The following ESCO2 variants were observed in gnomAD, a reference collection of about 807,000 sequenced individuals.
ESCO2 encodes N-acetyltransferase ESCO2.
Under a neutral mutation model 61.7 loss-of-function variants are expected in ESCO2, and 51 were observed. That is an observed-to-expected ratio of 0.83 (90% CI 0.66 to 1.04). The LOEUF (loss-of-function observed/expected upper bound fraction) is 1.04, where lower values mean the gene tolerates loss of function less well. ESCO2 is among the 50% of genes least tolerant of loss of function. The pLI, the probability that ESCO2 is intolerant of heterozygous loss-of-function variation, is 0.00. For missense variants in ESCO2, 692 were observed against 686.2 expected, an observed-to-expected ratio of 1.01 and a Z score of -0.09; for synonymous variants, 230 against 238.2, an observed-to-expected ratio of 0.97 and a Z score of 0.32.
chr8:27,786,549 GAGTT>G (rs1805045955), intron 5 of ESCO2, among the ~76,000 whole-genome samples: 1 of 152,186 alleles, frequency 6.6e-6, no homozygotes, highest in Non-Finnish European at 1.5e-5. Context: ...GTGGTATACT[GAGTT>G]AGTCACAACC....
At position 27,775,613 on chromosome 8, in the gene ESCO2, C is replaced by A. The variant is rs765329515; in HGVS notation, c.53+46C>A. ...AGAAACTCTTAGAAAAATCCACCTT[C>A]TTGTCTCTCTTGTTCTCTCCTATTT... On this transcript the variant is annotated intron_variant, in intron 2 of 10. Coordinates refer to ENST00000305188, the MANE Select transcript of ESCO2 (RefSeq NM_001017420.3). 4 of 1,593,408 alleles carry A rather than the reference C, an allele frequency of 2.5e-6. No individual in the cohort carries two copies. In the Admixed American group the frequency reaches 5.0e-5, roughly 20 times the overall value.
At chr8:27,797,338 G>T (rs1002176976) in intron 9 of ESCO2, among the ~76,000 whole-genome samples, 2 of 151,950 alleles carry the variant, frequency 1.3e-5, no homozygotes, top group African/African-American at 4.8e-5. Context: ...TACCTTCTTT[G>T]TCTCTTGATG....
At chr8:27,790,488 A>G (rs540308761) in intron 7 of ESCO2, among the ~76,000 whole-genome samples, 3 of 152,184 alleles carry the variant, frequency 2.0e-5, no homozygotes, top group African/African-American at 7.2e-5. Context: ...TTTCAGAGAT[A>G]TTTTCTGCAT....
At chr8:27,809,373 T>C (rs1001697153), downstream of ESCO2, among the ~76,000 whole-genome samples, 5 of 152,360 alleles carry the variant, frequency 3.3e-5, no homozygotes, top group African/African-American at 1.2e-4. Flanking sequence ...TTGTTCCTAA[T>C]GTTTCTGAGA....
downstream of ESCO2, among the ~76,000 whole-genome samples, chr8:27,807,097 C>CT (rs1309728036): frequency 2.0e-5 from 3 of 152,102 alleles, no homozygotes; most frequent in African/African-American, 4.8e-5. Context: ...AATCTTACAG[C>CT]TTTTTTGTTC....
rs2128951029 is a variant in ESCO2, at chr8:27,776,428, T to G, written c.120T>G (p.Ser40Arg). The G allele has an allele frequency of 6.2e-7, 1 of 1,606,622 alleles. No individual in the cohort carries two copies. The highest frequency in any genetic ancestry group is 8.5e-7 in the Non-Finnish European group (1 of 1,177,888). Residue 40 changes from serine to arginine, a missense_variant, in exon 3 of 11, where the codon AGT becomes AGG. Transcript: ENST00000305188. ...AAAAGCACTGTTTTTATCAAAACAG[T>G]GATAAAAATGAAGAAAACCTGCATT... ...PNKKHCFYQN[S>R]DKNEENLHCS...
At chr8:27,797,740 G>A (rs1256330914) in intron 9 of ESCO2, among the ~76,000 whole-genome samples, 3 of 152,090 alleles carry the variant, frequency 2.0e-5, no homozygotes, top group African/African-American at 7.2e-5. Flanking sequence ...TGGTCATGAG[G>A]CTTACATAAA....
At chr8:27,811,956 T>C (rs1200110077), downstream of ESCO2, 1 of 152,220 alleles carries the variant, frequency 6.6e-6, no homozygotes, top group African/African-American at 2.4e-5. Context: ...CACAGAAATG[T>C]AATCACTAAC....
chr8:27,795,454 C>T (rs970324675), intron 9 of ESCO2, among the ~76,000 whole-genome samples: 12 of 152,124 alleles, frequency 7.9e-5, no homozygotes, highest in Non-Finnish European at 1.5e-5. Context: ...AAGTTCATGT[C>T]ATTTGCAAAC....
Position 27,805,243 on chromosome 8 carries a change from T to TGCAGTCC in ESCO2, c.*1814_*1820dup, listed in dbSNP as rs1354830247. 1 of 85,782 alleles carries TGCAGTCC rather than the reference T, an allele frequency of 1.2e-5. No homozygotes were observed. Among genetic ancestry groups the TGCAGTCC allele is most frequent in the East Asian group, 7.0e-4 (1 of 1,428 alleles). The allele number at this position is 85,782 out of a possible 1,614,324, so 5.3% of individuals were successfully genotyped here. On this transcript the variant is annotated 3_prime_UTR_variant, in exon 11 of 11. Transcript: ENST00000305188. ...TTGCAGTGAGCCGAGATTGCGCCAC[T>TGCAGTCC]GCAGTCCGCAGTCCGGCCTGGGCGA... is the stretch of plus-strand genomic sequence containing the variant.
At position 27,776,415 on chromosome 8, in the gene ESCO2, T is replaced by G. The variant is rs919439458; in HGVS notation, c.107T>G (p.Phe36Cys). The part of the protein sequence containing the change: ...LFPSPNKKHC[F>C]YQNSDKNEEN... ...CCATCACCTAATAAAAAGCACTGTT[T>G]TTATCAAAACAGTGATAAAAATGAA... The change falls in exon 3 of 11, where the codon TTT becomes TGT. Residue 36 changes from phenylalanine (F) to cysteine (C), a missense_variant. Coordinates refer to ENST00000305188, the MANE Select transcript of ESCO2 (RefSeq NM_001017420.3). The G allele has an allele frequency of 2.5e-6, 4 of 1,608,326 alleles. No homozygotes were observed. In the Admixed American group the frequency reaches 6.8e-5, roughly 27 times the overall value.
chr8:27,786,089 G>C (rs946176470), intron 5 of ESCO2, among the ~76,000 whole-genome samples: 1 of 152,142 alleles, frequency 6.6e-6, no homozygotes, highest in African/African-American at 2.4e-5. Flanking sequence ...AGGTGAAAAG[G>C]GTCAGTGACT....
downstream of ESCO2, chr8:27,810,934 T>A: frequency 7.3e-7 from 1 of 1,376,852 alleles, no homozygotes; most frequent in South Asian, 1.2e-5. Flanking sequence ...AGATTGGGAT[T>A]TATGTTAGAA....
upstream of ESCO2, chr8:27,772,421 T>C: frequency 7.5e-7 from 1 of 1,330,616 alleles, no homozygotes; most frequent in Non-Finnish European, 1.1e-6. Flanking sequence ...GAAGGCATTT[T>C]AGAGCGAGGG....
chr8:27,803,848 C>A lies in ESCO2; in HGVS notation c.*410C>A. 1 of 989,436 alleles carries A rather than the reference C, an allele frequency of 1.0e-6. No homozygotes were observed. The highest frequency in any genetic ancestry group is 1.2e-6 in the Non-Finnish European group (1 of 833,020). The allele number at this position is 989,436 out of a possible 1,614,324, so 61.3% of individuals were successfully genotyped here. A position where few individuals can be genotyped will look rare whatever the true frequency, so the allele number is the denominator to read the frequency against. ...TAATGCCACATCAGAAGCAAACAGG[C>A]AAATTTAAACTTGGGCAAGTAATTT... On this transcript the variant is annotated 3_prime_UTR_variant, in exon 11 of 11. Transcript: ENST00000305188.
intron 9 of ESCO2, among the ~76,000 whole-genome samples, chr8:27,793,253 A>AT (rs1585404355): frequency 6.6e-6 from 1 of 152,040 alleles, no homozygotes; most frequent in African/African-American, 2.4e-5. Context: ...GCTTTTTTGT[A>AT]TTTTTGCCAG....
downstream of ESCO2, chr8:27,812,140 G>A (rs1049191543): frequency 2.6e-5 from 4 of 152,060 alleles, no homozygotes; most frequent in African/African-American, 7.2e-5. Flanking sequence ...AGGCATCCTG[G>A]TCTTGTTCCC....
At chr8:27,772,544 C>T (rs891781415), upstream of ESCO2, 21 of 1,549,480 alleles carry the variant, frequency 1.4e-5, no homozygotes, top group Middle Eastern at 1.9e-4. Flanking sequence ...ACACCATGAT[C>T]CCGGGAGCGG....
downstream of ESCO2, among the ~76,000 whole-genome samples, chr8:27,808,734 G>A (rs190998729): frequency 7.1e-4 from 104 of 146,828 alleles, no homozygotes; most frequent in Admixed American, 1.7e-3. Context: ...TTGCTCTTTT[G>A]AGAATGAGGC....
Sources: gnomAD v4.1 joint callset for allele counts (sites outside exome capture counted in the v4.1 genomes callset) on GRCh38, gnomAD v4.1.1 for gene constraint, MANE v1.5 for transcripts, NCBI Gene and HGNC (gene_info 2026-07-23, HGNC 2026-07-21) for gene names.